The following STOX2 variants were observed in gnomAD, a reference collection of about 807,000 sequenced individuals.
STOX2 encodes storkhead box 2, also known as storkhead-box protein 2.
In STOX2, 28 loss-of-function variants were observed where a neutral mutation model predicts 60.9. That is an observed-to-expected ratio of 0.46 (90% CI 0.34 to 0.63). STOX2 has a LOEUF of 0.63. Among genes scored for constraint, STOX2 ranks in the 30% least tolerant of loss-of-function variants. The probability of loss-of-function intolerance (pLI) is 0.01; values close to 1 mark genes in which losing one functional copy is unlikely to be tolerated. For missense variants in STOX2, 1,024 were observed against 1,187.7 expected (o/e 0.86, Z 2.03); for synonymous variants, 472 against 463.9 (o/e 1.02, Z -0.22).
chr4:183,878,605 G>A (rs1005915717), intron 1 of STOX2, among the ~76,000 whole-genome samples: 4 of 152,146 alleles, frequency 2.6e-5, no homozygotes, highest in African/African-American at 9.7e-5. Flanking sequence ...AATCTAAAAA[G>A]CATGTTCATT....
chr4:183,801,624 T>C (rs1235565714), intron 1 of STOX2, among the ~76,000 whole-genome samples: 2 of 151,934 alleles, frequency 1.3e-5, no homozygotes, highest in African/African-American at 2.4e-5. Context: ...CAGATGGAGA[T>C]GGGGGTGGGG....
At chr4:183,912,066 G>C (rs1287862566) in intron 1 of STOX2, among the ~76,000 whole-genome samples, 1 of 152,154 alleles carries the variant, frequency 6.6e-6, no homozygotes, top group Non-Finnish European at 1.5e-5. Flanking sequence ...CAACCAGTCA[G>C]TCAGAAGATT....
chr4:183,813,942 A>G (rs377550609), intron 1 of STOX2, among the ~76,000 whole-genome samples: 1 of 152,220 alleles, frequency 6.6e-6, no homozygotes, highest in Non-Finnish European at 1.5e-5. Context: ...CTAAATGTTC[A>G]TATAGTTTGA....
intron 1 of STOX2, among the ~76,000 whole-genome samples, chr4:183,819,848 T>C (rs190632467): frequency 4.9e-4 from 75 of 152,326 alleles, no homozygotes; most frequent in African/African-American, 1.7e-3. Context: ...TCTTTTTCCA[T>C]GCAAACTGCC....
At position 184,021,386 on chromosome 4, in the gene STOX2, T is replaced by C. The variant is rs1328082966; in HGVS notation, c.*4102T>C. The C allele has an allele frequency of 4.6e-5, 7 of 152,162 alleles. No individual in the cohort carries two copies. Among genetic ancestry groups the C allele is most frequent in the African/African-American group, 1.7e-4 (7 of 41,432 alleles). 9.4% of individuals were successfully genotyped at this position (152,162 alleles called of 1,614,324 possible). A position where few individuals can be genotyped will look rare whatever the true frequency, so the allele number is the denominator to read the frequency against. ...ACAAAATACAATGCTATTTTTCTGA[T>C]GTGTGCTAATAAAGTCAAAGAAAAC... On this transcript the variant is annotated 3_prime_UTR_variant, in exon 4 of 4. Transcript: ENST00000308497.
At chr4:183,858,124 C>G (rs574837806) in intron 1 of STOX2, among the ~76,000 whole-genome samples, 26 of 152,262 alleles carry the variant, frequency 1.7e-4, no homozygotes, top group African/African-American at 5.8e-4. Flanking sequence ...CTGGGGGACC[C>G]TCAGGGGGCA....
chr4:183,980,282 T>C (rs1732605163), intron 1 of STOX2, among the ~76,000 whole-genome samples: 1 of 152,230 alleles, frequency 6.6e-6, no homozygotes, highest in Non-Finnish European at 1.5e-5. Flanking sequence ...AGTTTATGGC[T>C]GTGATACGAA....
intron 1 of STOX2, among the ~76,000 whole-genome samples, chr4:183,976,919 T>TATC (rs2111183084): frequency 6.6e-6 from 1 of 152,346 alleles, no homozygotes; most frequent in Non-Finnish European, 1.5e-5. Context: ...GCAAACAACT[T>TATC]GATTGACCAT....
At chr4:183,904,663 G>C (rs1383952552), upstream of STOX2, among the ~76,000 whole-genome samples, 1 of 152,232 alleles carries the variant, frequency 6.6e-6, no homozygotes, top group African/African-American at 2.4e-5. Context: ...CCAAGAGGTA[G>C]TACAGTGGCC....
intron 1 of STOX2, among the ~76,000 whole-genome samples, chr4:183,839,023 GCA>G (rs144288337): frequency 8.9e-4 from 134 of 150,500 alleles, no homozygotes; most frequent in African/African-American, 1.9e-3. Context: ...ACGCGCGCGC[GCA>G]CACACACACA....
chr4:183,967,019 T>A (rs1743592275), intron 1 of STOX2, among the ~76,000 whole-genome samples: 1 of 152,192 alleles, frequency 6.6e-6, no homozygotes, highest in Non-Finnish European at 1.5e-5. Flanking sequence ...TTGTACATAT[T>A]GGCAGTAAAG....
At chr4:183,977,162 CAGTATAATAGGT>C (rs150042023) in intron 1 of STOX2, among the ~76,000 whole-genome samples, 7,176 of 152,042 alleles carry the variant, frequency 0.047, 568 homozygotes, top group African/African-American at 0.16. Context: ...ACCCAATAGG[CAGTATAATAGGT>C]AGTATAATAG....
At chr4:184,015,836 C>T (rs987015989) in intron 3 of STOX2, 3 of 152,232 alleles carry the variant, frequency 2.0e-5, no homozygotes, top group African/African-American at 7.2e-5. Flanking sequence ...TTCTGGCTTC[C>T]TCAATCTCTG....
At chr4:183,813,891 T>G (rs1179005554) in intron 1 of STOX2, among the ~76,000 whole-genome samples, 2 of 152,250 alleles carry the variant, frequency 1.3e-5, no homozygotes, top group Admixed American at 6.5e-5. Context: ...GAAAAAACTC[T>G]TCTTTGGAAA....
intron 1 of STOX2, among the ~76,000 whole-genome samples, chr4:183,864,021 A>G (rs1740509677): frequency 1.3e-5 from 2 of 152,048 alleles, no homozygotes; most frequent in Non-Finnish European, 2.9e-5. Context: ...TTCCTCCTTC[A>G]TTTTAACTCT....
chr4:183,971,193 G>A (rs1743731930), intron 1 of STOX2, among the ~76,000 whole-genome samples: 1 of 152,188 alleles, frequency 6.6e-6, no homozygotes, highest in Non-Finnish European at 1.5e-5. Flanking sequence ...ACAGTTTGAA[G>A]TAAAAGTAGG....
At chr4:183,884,321 T>A (rs942295976) in intron 1 of STOX2, among the ~76,000 whole-genome samples, 8 of 150,988 alleles carry the variant, frequency 5.3e-5, no homozygotes, top group Admixed American at 2.6e-4. Flanking sequence ...TTTTTTTTAG[T>A]GTGAGCAGAT....
At chr4:183,951,260 C>T (rs1211488052) in intron 1 of STOX2, among the ~76,000 whole-genome samples, 1 of 150,918 alleles carries the variant, frequency 6.6e-6, no homozygotes, top group African/African-American at 2.4e-5. Context: ...AAAGGCTTTG[C>T]TCAGCAGTGA....
Position 184,017,246 on chromosome 4 carries a change from C to A in STOX2, c.2743C>A (p.Pro915Thr). Residue 915 changes from proline to threonine, a missense_variant, in exon 4 of 4, where the codon CCT becomes ACT. Physicochemically the swap from Pro to Thr is conservative, Grantham distance 38. Coordinates refer to ENST00000308497, the MANE Select transcript of STOX2 (RefSeq NM_020225.3). Reference sequence around the variant, plus strand: ...AAATGAAGCTGAGAAGCTACAGAAACCTTCCAACTGCTTGCAAGCTTCTGT... The same window carrying A: ...AAATGAAGCTGAGAAGCTACAGAAAACTTCCAACTGCTTGCAAGCTTCTGT... ...PTNEAEKLQK[P>T]SNCLQASVTS... 1.2e-6 allele frequency: 2 copies of A among 1,604,798 alleles called. No individual in the cohort carries two copies. The highest frequency in any genetic ancestry group is 1.7e-6 in the Non-Finnish European group (2 of 1,175,530).
Sources: allele counts gnomAD v4.1 joint callset (sites outside exome capture counted in the v4.1 genomes callset), GRCh38; gene constraint gnomAD v4.1.1; transcripts MANE v1.5; gene names NCBI Gene and HGNC (gene_info 2026-07-23, HGNC 2026-07-21).